Variants in ADPRH observed in about 807,000 individuals in gnomAD.
ADPRH encodes the protein ADP-ribosylarginine hydrolase, also known as ADP-ribose-L-arginine cleaving enzyme.
ADPRH carries 27 observed loss-of-function variants against 28.8 expected under a neutral mutation model. The ratio of observed to expected loss-of-function variants is 0.94; its 90% CI spans 0.69 to 1.29. ADPRH has a LOEUF of 1.29. ADPRH is among the 50% of genes most tolerant of loss of function. The pLI is 0.00. For missense variants in ADPRH, 419 were observed against 444.8 expected (o/e 0.94, Z 0.52); for synonymous variants, 161 against 166.9 (o/e 0.96, Z 0.27).
chr3:119,581,347 C>T (rs865984385), intron 2 of ADPRH, among the ~76,000 whole-genome samples: 1 of 152,140 alleles, frequency 6.6e-6, no homozygotes, highest in African/African-American at 2.4e-5. Context: ...AGATTACAGG[C>T]GTGAGCCACC....
chr3:119,586,159 A>C lies in ADPRH; in HGVS notation c.299-126A>C, dbSNP rs547930425. ...TGGGGTTTGGAGTTTTGGGGCATGC[A>C]TCATCATATTTTTTGGCTCTCCCTT... is the stretch of plus-strand genomic sequence containing the variant. On this transcript the variant is annotated intron_variant, in intron 3 of 4. Coordinates refer to ENST00000357003, the MANE Select transcript of ADPRH (RefSeq NM_001125.4). 131 of 1,403,798 alleles carry C rather than the reference A, an allele frequency of 9.3e-5. 2 individuals carry two copies. In the South Asian group the frequency reaches 1.6e-3, roughly 17 times the overall value. The allele number at this position is 1,403,798 out of a possible 1,614,324, so 87.0% of individuals were successfully genotyped here. A position where few individuals can be genotyped will look rare whatever the true frequency, so the allele number is the denominator to read the frequency against.
Position 119,582,701 on chromosome 3 carries a change from G to A in ADPRH, c.298+234G>A, listed in dbSNP as rs145652751. Among the ~76,000 whole-genome samples the A allele has an allele frequency of 9.7e-4, 147 of 152,242 alleles. 4 individuals are homozygous for A. Among genetic ancestry groups the A allele is most frequent in the Middle Eastern group, 3.4e-3 (1 of 294 alleles). On this transcript the variant is annotated intron_variant, in intron 3 of 4. Transcript: ENST00000357003. ...TTCAAGACAAGCCTGAGCAATATACGGAGACCCTGTCTCTAGAATGGGGTA... is the reference window on the plus strand; with the variant it reads ...TTCAAGACAAGCCTGAGCAATATACAGAGACCCTGTCTCTAGAATGGGGTA...
chr3:119,587,501 C>T lies in ADPRH; in HGVS notation c.697C>T (p.Leu233Phe). 6.3e-7 allele frequency: 1 copy of T among 1,579,018 alleles called. No homozygotes were observed. The highest frequency in any genetic ancestry group is 1.2e-5 in the South Asian group (1 of 84,024). ...AACCAAATGGGAAAATTACCTAAAA[C>T]TTAGAGGGATTTTGGATGGAGAATC... ...FQTKWENYLK[L>F]RGILDGESAP... Residue 233 changes from leucine to phenylalanine, a missense_variant, in exon 5 of 5, where the codon CTT becomes TTT. Leu to Phe is a conservative substitution (Grantham distance 22). Transcript: ENST00000357003.
chr3:119,588,006 T>C lies in ADPRH; in HGVS notation c.*128T>C, dbSNP rs2082481645. 6 of 1,054,990 alleles carry C rather than the reference T, an allele frequency of 5.7e-6. No individual in the cohort carries two copies. The South Asian group carries it at 6.2e-5, about 11-fold the overall frequency. 65.4% of individuals were successfully genotyped at this position (1,054,990 alleles called of 1,614,324 possible). Reference sequence around the variant, plus strand: ...AGGGAATTTTGAGATAACAAGTCCCTTGGGCACCTTAAGCTCAGTTTTTTC... The same window carrying C: ...AGGGAATTTTGAGATAACAAGTCCCCTGGGCACCTTAAGCTCAGTTTTTTC... On this transcript the variant is annotated 3_prime_UTR_variant, in exon 5 of 5. Transcript: ENST00000357003.
In ADPRH at chr3:119,587,457, T is replaced by C; in HGVS notation, c.660-7T>C. ...TCAATTGACTCTAGATTTTTTCCTT[T>C]CTACAGGTCCTACTTCCAAACCAAA... On this transcript the variant is annotated splice_region_variant and splice_polypyrimidine_tract_variant and intron_variant, in intron 4 of 4. Coordinates refer to ENST00000357003, the MANE Select transcript of ADPRH (RefSeq NM_001125.4). 1 of 1,502,988 alleles carries C rather than the reference T, an allele frequency of 6.7e-7. No homozygotes were observed. 93.1% of individuals were successfully genotyped at this position (1,502,988 alleles called of 1,614,324 possible). A position where few individuals can be genotyped will look rare whatever the true frequency, so the allele number is the denominator to read the frequency against.
At chr3:119,584,524 T>C (rs979143566) in intron 3 of ADPRH, among the ~76,000 whole-genome samples, 2 of 152,120 alleles carry the variant, frequency 1.3e-5, no homozygotes, top group African/African-American at 4.8e-5. Context: ...GATCGCGCCA[T>C]TGGACTCCAG....
rs779067913 is a variant in ADPRH, at chr3:119,586,575, G to A, written c.589G>A (p.Glu197Lys). The A allele has an allele frequency of 6.2e-7, 1 of 1,614,124 alleles. No homozygotes were observed. Among genetic ancestry groups the A allele is most frequent in the South Asian group, 1.1e-5 (1 of 91,084 alleles). Residue 197 changes from glutamate to lysine, a missense_variant, in exon 4 of 5, where the codon GAG (glutamate) becomes AAG (lysine). Coordinates refer to ENST00000357003, the MANE Select transcript of ADPRH (RefSeq NM_001125.4). ...PPLQWGKGLMELLPEAKKYIV... is the reference protein window; with the variant it reads ...PPLQWGKGLMKLLPEAKKYIV... Reference sequence around the variant, plus strand: ...CTTGCAGTGGGGAAAAGGACTGATGGAGCTGCTACCAGAAGCTAAAAAGTA... The same window carrying A: ...CTTGCAGTGGGGAAAAGGACTGATGAAGCTGCTACCAGAAGCTAAAAAGTA...
chr3:119,583,879 G>A (rs747172755), intron 3 of ADPRH, among the ~76,000 whole-genome samples: 13 of 152,006 alleles, frequency 8.6e-5, no homozygotes, highest in Non-Finnish European at 1.8e-4. Context: ...CCAGGTTCAA[G>A]CGATTCTCCT....
At chr3:119,586,815 T>C (rs1047336061) in intron 4 of ADPRH, among the ~76,000 whole-genome samples, 170 bp downstream of exon 4, 2 of 152,222 alleles carry the variant, frequency 1.3e-5, no homozygotes, top group Admixed American at 1.3e-4. Context: ...CAGTAATGAT[T>C]CTACAAAGTA....
At chr3:119,581,350 G>T (rs1380506575) in intron 2 of ADPRH, among the ~76,000 whole-genome samples, 4 of 152,164 alleles carry the variant, frequency 2.6e-5, no homozygotes. Context: ...TTACAGGCGT[G>T]AGCCACCGCG....
In ADPRH at chr3:119,586,323, G is replaced by C; in HGVS notation, c.337G>C (p.Gly113Arg). 1 of 1,613,900 alleles carries C rather than the reference G, an allele frequency of 6.2e-7. No homozygotes were observed. The highest frequency in any genetic ancestry group is 8.5e-7 in the Non-Finnish European group (1 of 1,180,038). ...GCACAACGCCATGCAGCTGAAGCCG[G>C]GCAAGCCCAATGGCTGGAGGATTCC... ...SVHNAMQLKP[G>R]KPNGWRIPFN... Residue 113 changes from glycine (G) to arginine (R), a missense_variant, in exon 4 of 5, where the codon GGC (glycine) becomes CGC (arginine). Transcript: ENST00000357003.
chr3:119,585,878 A>C (rs2082454044), intron 3 of ADPRH, among the ~76,000 whole-genome samples: 1 of 152,204 alleles, frequency 6.6e-6, no homozygotes, highest in African/African-American at 2.4e-5. Context: ...GGACTCCATA[A>C]GGAATTGGGC....
At chr3:119,583,306 A>G (rs995482742) in intron 3 of ADPRH, among the ~76,000 whole-genome samples, 5 of 152,302 alleles carry the variant, frequency 3.3e-5, no homozygotes, top group African/African-American at 9.6e-5. Flanking sequence ...ACCATTTAAA[A>G]TTATTCAGGG....
chr3:119,582,588 A>T, intron 3 of ADPRH, 121 bp downstream of exon 3: 1 of 1,192,428 alleles, frequency 8.4e-7, no homozygotes, highest in Non-Finnish European at 1.2e-6. Flanking sequence ...ATGTGATAAA[A>T]ATAGAAATAA....
intron 2 of ADPRH, among the ~76,000 whole-genome samples, chr3:119,581,342 A>G (rs973357603): frequency 1.3e-5 from 2 of 152,192 alleles, no homozygotes; most frequent in African/African-American, 4.8e-5. Context: ...TGCTGAGATT[A>G]CAGGCGTGAG....
chr3:119,580,940 G>A (rs1306110762), intron 2 of ADPRH, among the ~76,000 whole-genome samples: 3 of 152,028 alleles, frequency 2.0e-5, no homozygotes, highest in Non-Finnish European at 2.9e-5. Flanking sequence ...CATTACTGTC[G>A]AAGGAAAGGT....
rs1186352541 is a variant in ADPRH at position 119,588,471 on chromosome 3, G to A, written c.*593G>A. 1 of 152,234 alleles carries A rather than the reference G, an allele frequency of 6.6e-6. No homozygotes were observed. The highest frequency in any genetic ancestry group is 1.5e-5 in the Non-Finnish European group (1 of 68,070). The allele number at this position is 152,234 out of a possible 1,614,324, so 9.4% of individuals were successfully genotyped here. On this transcript the variant is annotated 3_prime_UTR_variant, in exon 5 of 5. Coordinates refer to ENST00000357003, the MANE Select transcript of ADPRH (RefSeq NM_001125.4). ...CACTGACTTCCATCTGACACTGGTT[G>A]AGGACCACTGCCAGGGATGCTAACT...
intron 3 of ADPRH, 66 bp downstream of exon 3, chr3:119,582,533 G>T (rs1458564408): frequency 1.4e-6 from 2 of 1,454,192 alleles, no homozygotes; most frequent in Admixed American, 2.0e-5. Context: ...AAATCATTAA[G>T]AATGTTGATG....
At chr3:119,582,070 CGTT>C (rs1553787174) in intron 2 of ADPRH, 61 bp from the exon 3 acceptor site, 9 of 1,234,470 alleles carry the variant, frequency 7.3e-6, no homozygotes, top group South Asian at 4.4e-5. Flanking sequence ...TAGCTAGAGT[CGTT>C]GTTTTTTCTG....
Sources: gnomAD v4.1 joint callset for allele counts (sites outside exome capture counted in the v4.1 genomes callset) on GRCh38, gnomAD v4.1.1 for gene constraint, MANE v1.5 for transcripts, NCBI Gene and HGNC (gene_info 2026-07-23, HGNC 2026-07-21) for gene names.